ATXN1: variants seen among roughly 807,000 people sequenced by gnomAD.
ATXN1 encodes the protein ataxin-1.
ATXN1 carries 8 observed loss-of-function variants against 56.4 expected under a neutral mutation model. That is an observed-to-expected ratio of 0.14 (90% CI 0.08 to 0.26). The LOEUF (loss-of-function observed/expected upper bound fraction) is 0.26, where lower values mean the gene tolerates loss of function less well. Among genes scored for constraint, ATXN1 ranks in the 10% least tolerant of loss-of-function variants. The probability of loss-of-function intolerance (pLI) is 1.00; values close to 1 mark genes in which losing one functional copy is unlikely to be tolerated. For synonymous variants in ATXN1, 514 were observed against 494.6 expected, an observed-to-expected ratio of 1.04 and a Z score of -0.52; for missense variants, 987 against 1,106.5, an observed-to-expected ratio of 0.89 and a Z score of 1.53.
chr6:16,302,058 T>C lies in ATXN1; in HGVS notation c.*4271A>G, dbSNP rs1266362742. 6.5e-6 allele frequency: 1 copy of C among 152,716 alleles called. No individual in the cohort carries two copies. Among genetic ancestry groups the C allele is most frequent in the Non-Finnish European group, 1.5e-5 (1 of 68,056 alleles). 9.5% of individuals were successfully genotyped at this position (152,716 alleles called of 1,614,324 possible). ...GGATTTTATGATTACTAGGAGCTAC[T>C]GTTCATCTTGAACATGCAGCATTAT... On this transcript the variant is annotated 3_prime_UTR_variant, in exon 8 of 8. Transcript: ENST00000436367.
Position 16,302,674 on chromosome 6 carries a change from T to C in ATXN1, c.*3655A>G, listed in dbSNP as rs1347719200. 1.3e-5 allele frequency: 2 copies of C among 152,646 alleles called. No homozygotes were observed. The highest frequency in any genetic ancestry group is 4.2e-4 in the South Asian group (2 of 4,818). 9.5% of individuals were successfully genotyped at this position (152,646 alleles called of 1,614,324 possible). A position where few individuals can be genotyped will look rare whatever the true frequency, so the allele number is the denominator to read the frequency against. The stretch of plus-strand genomic sequence containing the variant: ...TGTTGGTTTCTTATTAATAGTATTA[T>C]TTTTTTCTTTTCGCCCTGACTAATT... On this transcript the variant is annotated 3_prime_UTR_variant, in exon 8 of 8. Coordinates refer to ENST00000436367, the MANE Select transcript of ATXN1 (RefSeq NM_001128164.2).
At chr6:16,621,207 C>G (rs1275265529) in intron 3 of ATXN1, among the ~76,000 whole-genome samples, 1 of 152,196 alleles carries the variant, frequency 6.6e-6, no homozygotes, top group Non-Finnish European at 1.5e-5. Flanking sequence ...GATAACGCAG[C>G]TCAGTGGGTT....
intron 3 of ATXN1, among the ~76,000 whole-genome samples, chr6:16,636,939 G>A (rs1274233645): frequency 2.0e-5 from 3 of 152,164 alleles, no homozygotes; most frequent in African/African-American, 4.8e-5. Flanking sequence ...ACAGTGTGGC[G>A]ATTCCTCAAG....
At chr6:16,528,976 C>A (rs536716920) in intron 4 of ATXN1, among the ~76,000 whole-genome samples, 1 of 152,058 alleles carries the variant, frequency 6.6e-6, no homozygotes, top group South Asian at 2.1e-4. Flanking sequence ...GTCAGGAGTT[C>A]GAGACCAGCC....
intron 5 of ATXN1, among the ~76,000 whole-genome samples, chr6:16,491,274 A>ATT (rs1225716591): frequency 1.1e-4 from 13 of 115,028 alleles, no homozygotes; most frequent in South Asian, 5.7e-4. Flanking sequence ...TATTATTATT[A>ATT]TTATTTTTTT....
intron 7 of ATXN1, among the ~76,000 whole-genome samples, chr6:16,316,168 A>G (rs1760504574): frequency 6.6e-6 from 1 of 152,198 alleles, no homozygotes; most frequent in African/African-American, 2.4e-5. Context: ...TAAACTGCGC[A>G]TGCAAGGAAT....
chr6:16,660,454 G>C (rs1241556365), intron 2 of ATXN1, among the ~76,000 whole-genome samples: 1 of 152,210 alleles, frequency 6.6e-6, no homozygotes, highest in Non-Finnish European at 1.5e-5. Flanking sequence ...CAGCAGCAAA[G>C]TATGGGATAT....
intron 6 of ATXN1, among the ~76,000 whole-genome samples, chr6:16,459,674 T>C (rs1014825486): frequency 1.3e-5 from 2 of 152,186 alleles, no homozygotes; most frequent in Non-Finnish European, 2.9e-5. Flanking sequence ...CCTTTGAGGA[T>C]CCCACAGACC....
At chr6:16,740,160 C>T (rs944925315) in intron 2 of ATXN1, among the ~76,000 whole-genome samples, 1 of 152,160 alleles carries the variant, frequency 6.6e-6, no homozygotes, top group African/African-American at 2.4e-5. Context: ...AATATGGTCA[C>T]CAGCAAACTA....
At position 16,686,255 on chromosome 6, in the gene ATXN1, A is replaced by G. The variant is rs573245556; in HGVS notation, c.-614-28354T>C. Among the ~76,000 whole-genome samples, 9 of 152,332 alleles carry G rather than the reference A, an allele frequency of 5.9e-5. No homozygotes were observed. In the South Asian group the frequency reaches 1.2e-3, roughly 21 times the overall value. On this transcript the variant is annotated intron_variant, in intron 2 of 7. Transcript: ENST00000436367. ...GAGTCTTAAATTTTAAAACCATATC[A>G]GATACTAAAATATACAACTTATCCT... is the stretch of plus-strand genomic sequence containing the variant.
chr6:16,428,775 A>T (rs1268823930), intron 6 of ATXN1, among the ~76,000 whole-genome samples: 1 of 152,066 alleles, frequency 6.6e-6, no homozygotes, highest in Non-Finnish European at 1.5e-5. Context: ...CACACAACTC[A>T]CTACACATCA....
intron 2 of ATXN1, among the ~76,000 whole-genome samples, chr6:16,715,842 C>T (rs1469982274): frequency 2.0e-5 from 3 of 152,158 alleles, no homozygotes; most frequent in Non-Finnish European, 2.9e-5. Context: ...CTTACTTTTC[C>T]AACTAGATTT....
chr6:16,665,144 A>G (rs996983449), intron 2 of ATXN1, among the ~76,000 whole-genome samples: 2 of 152,206 alleles, frequency 1.3e-5, no homozygotes, highest in African/African-American at 2.4e-5. Context: ...TAGTTTCAGC[A>G]ATTGTGGATA....
At chr6:16,513,311 C>A (rs1761116776) in intron 5 of ATXN1, among the ~76,000 whole-genome samples, 1 of 152,168 alleles carries the variant, frequency 6.6e-6, no homozygotes, top group Non-Finnish European at 1.5e-5. Context: ...GAAGCCTGCT[C>A]GTGCTTGAGT....
chr6:16,510,398 A>G (rs756062321), intron 5 of ATXN1, among the ~76,000 whole-genome samples: 7 of 152,206 alleles, frequency 4.6e-5, no homozygotes, highest in Non-Finnish European at 7.3e-5. Flanking sequence ...GAAACCAAAC[A>G]TAACTTACAT....
At chr6:16,336,855 C>T (rs1761134266) in intron 6 of ATXN1, among the ~76,000 whole-genome samples, 1 of 152,206 alleles carries the variant, frequency 6.6e-6, no homozygotes, top group African/African-American at 2.4e-5. Flanking sequence ...ATATTATCAG[C>T]ACCACGAATA....
chr6:16,385,212 G>A (rs138027978), intron 6 of ATXN1, among the ~76,000 whole-genome samples: 184 of 152,304 alleles, frequency 1.2e-3, no homozygotes, highest in African/African-American at 3.9e-3. Flanking sequence ...AGGAGGTAAC[G>A]AGTGCCCTTC....
chr6:16,360,112 A>G (rs1761777237), intron 6 of ATXN1, among the ~76,000 whole-genome samples: 1 of 152,222 alleles, frequency 6.6e-6, no homozygotes, highest in Non-Finnish European at 1.5e-5. Flanking sequence ...TAAGACATCA[A>G]TTATATTAAA....
rs570335522 is a variant in ATXN1 at position 16,377,989 on chromosome 6, G to A, written c.-160-49519C>T. On this transcript the variant is annotated intron_variant, in intron 6 of 7. Coordinates refer to ENST00000436367, the MANE Select transcript of ATXN1 (RefSeq NM_001128164.2). ...CATTTGGGAAACTAGAGCTCTAAGC[G>A]CCTTCTGCCTACTTCATGGCAAGGA... is the stretch of plus-strand genomic sequence containing the variant. Among the ~76,000 whole-genome samples the A allele has an allele frequency of 1.6e-4, 25 of 152,276 alleles. 1 individual carries two copies. The East Asian group carries it at 2.1e-3, about 13-fold the overall frequency.
Sources: gnomAD v4.1 joint callset for allele counts (sites outside exome capture counted in the v4.1 genomes callset) on GRCh38, gnomAD v4.1.1 for gene constraint, MANE v1.5 for transcripts, NCBI Gene and HGNC (gene_info 2026-07-23, HGNC 2026-07-21) for gene names.